SLC17A8: variants seen among roughly 807,000 people sequenced by gnomAD.
The protein encoded by SLC17A8 is solute carrier family 17 member 8.
Under a neutral mutation model 58.0 loss-of-function variants are expected in SLC17A8, and 31 were observed. That is an observed-to-expected ratio of 0.53 (90% confidence interval 0.40 to 0.72). The LOEUF (loss-of-function observed/expected upper bound fraction) is 0.72, where lower values mean the gene tolerates loss of function less well. Among genes scored for constraint, SLC17A8 ranks in the 30% least tolerant of loss-of-function variants. The pLI is 0.00. For missense variants in SLC17A8, 655 were observed against 727.8 expected, an observed-to-expected ratio of 0.90 and a Z score of 1.15; for synonymous variants, 228 against 249.0, an observed-to-expected ratio of 0.92 and a Z score of 0.79.
intron 9 of SLC17A8, among the ~76,000 whole-genome samples, chr12:100,407,249 G>C (rs1052705113): frequency 1.3e-5 from 2 of 152,140 alleles, no homozygotes; most frequent in Admixed American, 1.3e-4. Context: ...CTTCTAAACT[G>C]GCAACTTTAA....
intron 4 of SLC17A8, among the ~76,000 whole-genome samples, chr12:100,395,898 C>A (rs1159340856): frequency 4.6e-5 from 7 of 152,218 alleles, no homozygotes; most frequent in African/African-American, 1.7e-4. Context: ...CAGGCGTGAG[C>A]CACCGCTCCT....
intron 9 of SLC17A8, chr12:100,410,799 A>T (rs1952862284): frequency 6.6e-6 from 1 of 152,250 alleles, no homozygotes; most frequent in Non-Finnish European, 1.5e-5. Flanking sequence ...GCAGATTTGT[A>T]TATGAAAGCT....
chr12:100,420,348 A>T lies in SLC17A8; in HGVS notation c.*189A>T. The T allele has an allele frequency of 1.7e-6, 1 of 582,534 alleles. No homozygotes were observed. Among genetic ancestry groups the T allele is most frequent in the South Asian group, 2.2e-5 (1 of 45,676 alleles). 36.1% of individuals were successfully genotyped at this position (582,534 alleles called of 1,614,324 possible). ...AGGTAAGGAGCTGCGCTCAGTTGAT[A>T]ACATAGTTGATAATACATATTTTTT... On this transcript the variant is annotated 3_prime_UTR_variant, in exon 12 of 12. Coordinates refer to ENST00000323346, the MANE Select transcript of SLC17A8 (RefSeq NM_139319.3).
chr12:100,385,233 ATTTTTTTT>A (rs397850732), intron 2 of SLC17A8, among the ~76,000 whole-genome samples: 1 of 106,696 alleles, frequency 9.4e-6, no homozygotes, highest in South Asian at 3.3e-4. Context: ...TGTCTTAAAC[ATTTTTTTT>A]TTTTTTTTTT....
At position 100,421,073 on chromosome 12, in the gene SLC17A8, A is replaced by C. The variant is rs1328907925; in HGVS notation, c.*914A>C. On this transcript the variant is annotated 3_prime_UTR_variant, in exon 12 of 12. Transcript: ENST00000323346. ...AATTTTTAGAAATCTGATGGTCAAA[A>C]TAGCTGAAAGCAGTAAACAAGAGAT... 4 of 152,212 alleles carry C rather than the reference A, an allele frequency of 2.6e-5. No homozygotes were observed. In the East Asian group the frequency reaches 7.7e-4, roughly 29 times the overall value. 9.4% of individuals were successfully genotyped at this position (152,212 alleles called of 1,614,324 possible).
chr12:100,389,536 T>A (rs1592997288), intron 2 of SLC17A8, among the ~76,000 whole-genome samples: 2 of 152,138 alleles, frequency 1.3e-5, no homozygotes, highest in East Asian at 3.9e-4. Flanking sequence ...CTCCTTAGCA[T>A]TCATTGCTAT....
intron 1 of SLC17A8, among the ~76,000 whole-genome samples, chr12:100,363,529 G>T (rs1261533604): frequency 6.6e-6 from 1 of 152,054 alleles, no homozygotes; most frequent in Non-Finnish European, 1.5e-5. Context: ...ACCATGCCCG[G>T]CTAATTTTGT....
At position 100,402,737 on chromosome 12, in the gene SLC17A8, A is replaced by G; in HGVS notation, c.1045A>G (p.Ile349Val). ...TTTTGAAGAGGTCTTTGGATTTGCA[A>G]TAAGTAAGGTAAACACACAGATGCT... The part of the protein sequence containing the change: ...AYFEEVFGFA[I>V]SKVGLLSAVP... Residue 349 changes from isoleucine to valine, a missense_variant, in exon 8 of 12, where the codon ATA becomes GTA. By Grantham distance (29) the Ile-to-Val change is conservative (BLOSUM62 3). Transcript: ENST00000323346. The G allele has an allele frequency of 6.2e-7, 1 of 1,613,826 alleles. No homozygotes were observed. Among genetic ancestry groups the G allele is most frequent in the Non-Finnish European group, 8.5e-7 (1 of 1,179,944 alleles).
intron 9 of SLC17A8, among the ~76,000 whole-genome samples, chr12:100,410,421 G>A (rs1354177303): frequency 6.6e-6 from 1 of 151,874 alleles, no homozygotes; most frequent in African/African-American, 2.4e-5. Context: ...CACGAACCCG[G>A]GAGGCAGAGC....
chr12:100,387,590 C>G (rs989955735), intron 2 of SLC17A8, among the ~76,000 whole-genome samples: 3 of 152,120 alleles, frequency 2.0e-5, no homozygotes, highest in Non-Finnish European at 4.4e-5. Context: ...CAATTAGCAG[C>G]TGGTTGAAGT....
At chr12:100,405,610 C>G (rs943448456) in intron 9 of SLC17A8, among the ~76,000 whole-genome samples, 2 of 152,028 alleles carry the variant, frequency 1.3e-5, no homozygotes, top group Non-Finnish European at 2.9e-5. Context: ...GAAGAGATTC[C>G]GCCATAGCAC....
At chr12:100,409,180 T>C (rs1952848358) in intron 9 of SLC17A8, among the ~76,000 whole-genome samples, 1 of 151,876 alleles carries the variant, frequency 6.6e-6, no homozygotes, top group African/African-American at 2.4e-5. Flanking sequence ...TATGTATGTA[T>C]GTATGTATGT....
chr12:100,415,811 G>A (rs998839758), intron 10 of SLC17A8, among the ~76,000 whole-genome samples: 5 of 152,132 alleles, frequency 3.3e-5, no homozygotes, highest in African/African-American at 1.2e-4. Context: ...TCACTTTATT[G>A]GTGGGGAAAC....
chr12:100,393,907 G>T (rs1335660631), intron 4 of SLC17A8, among the ~76,000 whole-genome samples: 1 of 152,138 alleles, frequency 6.6e-6, no homozygotes, highest in Admixed American at 6.5e-5. Context: ...GAGCCAGAAG[G>T]TAAATATTTT....
chr12:100,385,340 G>A (rs368124151), intron 2 of SLC17A8, among the ~76,000 whole-genome samples: 2 of 150,060 alleles, frequency 1.3e-5, no homozygotes, highest in African/African-American at 4.9e-5. Context: ...CGGTTCAAGC[G>A]ATTCTACTCC....
intron 10 of SLC17A8, among the ~76,000 whole-genome samples, chr12:100,415,430 T>C (rs565701461): frequency 2.9e-5 from 3 of 104,312 alleles, no homozygotes; most frequent in Admixed American, 2.0e-4. Context: ...AGAGATTCTG[T>C]CTCAAAAAAA....
chr12:100,412,633 T>TAAA, intron 9 of SLC17A8, 137 bp from the exon 10 acceptor site: 3 of 572,054 alleles, frequency 5.2e-6, no homozygotes, highest in South Asian at 2.0e-5. Context: ...GAACTTAAAG[T>TAAA]AAAAAAAAAA....
chr12:100,393,511 G>T, intron 4 of SLC17A8, 28 bp downstream of exon 4: 2 of 1,512,008 alleles, frequency 1.3e-6, no homozygotes, highest in South Asian at 2.2e-5. Flanking sequence ...TACAGTTTTT[G>T]ATATTGCTAG....
rs770205149 is a variant in SLC17A8, at chr12:100,402,437, A to G, written c.861A>G (p.Ile287Met). 7 of 1,614,056 alleles carry G rather than the reference A, an allele frequency of 4.3e-6. No homozygotes were observed. The highest frequency in any genetic ancestry group is 5.1e-6 in the Non-Finnish European group (6 of 1,180,024). Reference protein sequence around the residue: ...PTISNEEKTYIETSIGEGANV... With the variant: ...PTISNEEKTYMETSIGEGANV... ...TATCCAATGAGGAGAAGACCTATAT[A>G]GAGACAAGCATAGGAGAGGGGGCCA... The change falls in exon 7 of 12, where the codon ATA becomes ATG. Residue 287 changes from isoleucine (I) to methionine (M), a missense_variant. Physicochemically the swap from Ile to Met is conservative, Grantham distance 10 (BLOSUM62 1). Coordinates refer to ENST00000323346, the MANE Select transcript of SLC17A8 (RefSeq NM_139319.3).
Sources: gnomAD v4.1 joint callset for allele counts (sites outside exome capture counted in the v4.1 genomes callset) on GRCh38, gnomAD v4.1.1 for gene constraint, MANE v1.5 for transcripts, NCBI Gene and HGNC (gene_info 2026-07-23, HGNC 2026-07-21) for gene names.